FAM83D: variants seen among roughly 807,000 people sequenced by gnomAD.
FAM83D encodes protein FAM83D.
Under a neutral mutation model 25.4 loss-of-function variants are expected in FAM83D, and 26 were observed. That is an observed-to-expected ratio of 1.02 (90% CI 0.75 to 1.42). The LOEUF (loss-of-function observed/expected upper bound fraction) is 1.42, where lower values mean the gene tolerates loss of function less well. FAM83D is among the 40% of genes most tolerant of loss of function. The pLI, the probability that FAM83D is intolerant of heterozygous loss-of-function variation, is 0.00. For missense variants in FAM83D, 740 were observed against 758.1 expected, an observed-to-expected ratio of 0.98 and a Z score of 0.28; for synonymous variants, 310 against 318.5, an observed-to-expected ratio of 0.97 and a Z score of 0.28.
Position 38,951,946 on chromosome 20 carries a change from C to G in FAM83D, c.1184C>G (p.Pro395Arg), listed in dbSNP as rs1403869128. 1.2e-6 allele frequency: 2 copies of G among 1,614,166 alleles called. No homozygotes were observed. The highest frequency in any genetic ancestry group is 1.7e-5 in the Admixed American group (1 of 60,012). Residue 395 changes from proline (P) to arginine (R), a missense_variant, in exon 4 of 4, where the codon CCA becomes CGA. By Grantham distance (103) the Pro-to-Arg change is moderately radical. Around this residue, in one of 3 missense-constraint regions of FAM83D, gnomAD observed 375 missense variants for 403.2 expected, o/e 0.93. Transcript: ENST00000619850. ...KAIDAATQTE[P>R]GEEMPGLSVS... Reference sequence around the variant, plus strand: ...ATTGACGCTGCCACTCAAACAGAGCCAGGAGAGGAGATGCCAGGGCTGAGT... The same window carrying G: ...ATTGACGCTGCCACTCAAACAGAGCGAGGAGAGGAGATGCCAGGGCTGAGT...
chr20:38,934,627 T>A (rs1420729239), intron 1 of FAM83D, among the ~76,000 whole-genome samples: 2 of 152,260 alleles, frequency 1.3e-5, no homozygotes, highest in Non-Finnish European at 2.9e-5. Context: ...CTTGATATAT[T>A]GGCAAAAATA....
chr20:38,950,865 T>C (rs1454889050), intron 3 of FAM83D, among the ~76,000 whole-genome samples: 1 of 152,014 alleles, frequency 6.6e-6, no homozygotes, highest in Non-Finnish European at 1.5e-5. Context: ...CGCCCAGTCA[T>C]GGAATGTGCA....
In FAM83D at chr20:38,952,569, C is replaced by G; in HGVS notation, c.*49C>G. On this transcript the variant is annotated 3_prime_UTR_variant, in exon 4 of 4. Coordinates refer to ENST00000619850, the MANE Select transcript of FAM83D (RefSeq NM_030919.3). Reference sequence around the variant, plus strand: ...TTTCTTCCAGGCTTACAGTGGACATCATCAGCTTCCTGCTTTAAAAAATAT... The same window carrying G: ...TTTCTTCCAGGCTTACAGTGGACATGATCAGCTTCCTGCTTTAAAAAATAT... 1.3e-6 allele frequency: 2 copies of G among 1,549,622 alleles called. No individual in the cohort carries two copies. The highest frequency in any genetic ancestry group is 2.5e-5 in the South Asian group (2 of 80,730).
At chr20:38,938,636 C>T (rs932600536) in intron 1 of FAM83D, among the ~76,000 whole-genome samples, 1 of 152,088 alleles carries the variant, frequency 6.6e-6, no homozygotes, top group Non-Finnish European at 1.5e-5. Flanking sequence ...CGAAGCTCAC[C>T]CCTCACTCTT....
chr20:38,928,504 A>G (rs2085645880), intron 1 of FAM83D, among the ~76,000 whole-genome samples: 2 of 152,166 alleles, frequency 1.3e-5, no homozygotes, highest in Admixed American at 6.5e-5. Context: ...AAAGATGGAA[A>G]AGGCAGACTT....
intron 2 of FAM83D, among the ~76,000 whole-genome samples, chr20:38,944,634 G>A (rs146144906): frequency 6.6e-6 from 1 of 152,202 alleles, no homozygotes; most frequent in African/African-American, 2.4e-5. Flanking sequence ...TCCTCTGCAG[G>A]GGGGTTTAAG....
At chr20:38,933,881 A>G (rs570349909) in intron 1 of FAM83D, among the ~76,000 whole-genome samples, 2 of 145,668 alleles carry the variant, frequency 1.4e-5, no homozygotes, top group East Asian at 4.0e-4. Flanking sequence ...TTTTTTTGAG[A>G]GTCTCGCTCT....
chr20:38,934,405 A>C (rs947363351), intron 1 of FAM83D, among the ~76,000 whole-genome samples: 1 of 151,606 alleles, frequency 6.6e-6, no homozygotes, highest in Non-Finnish European at 1.5e-5. Flanking sequence ...AGGCAGGAGA[A>C]TAGCTTGAAC....
intron 3 of FAM83D, 52 bp downstream of exon 3, chr20:38,948,052 C>T (rs1383467969): frequency 6.3e-7 from 1 of 1,598,900 alleles, no homozygotes; most frequent in South Asian, 1.1e-5. Context: ...TCAGAAGAAG[C>T]ATGTCATGTA....
chr20:38,952,014 G>A lies in FAM83D; in HGVS notation c.1252G>A (p.Ala418Thr), dbSNP rs546782440. The A allele has an allele frequency of 5.6e-6, 9 of 1,614,198 alleles. 1 individual carries two copies. In the South Asian group the frequency reaches 7.7e-5, roughly 14 times the overall value. Residue 418 changes from alanine to threonine, a missense_variant, in exon 4 of 4, where the codon GCT becomes ACT. By Grantham distance (58) the Ala-to-Thr change is moderately conservative. Coordinates refer to ENST00000619850, the MANE Select transcript of FAM83D (RefSeq NM_030919.3). ...ACAAACCAGCATCACCACAGCATGT[G>A]CTGGTACCCAGACTGCAGTCATCAC... ...GTQTSITTACAGTQTAVITRI... is the reference protein window; with the variant it reads ...GTQTSITTACTGTQTAVITRI...
In FAM83D at chr20:38,951,608, C is replaced by T. The variant is rs1157914219; in HGVS notation, c.846C>T (p.His282=). ...LVILSGQVVE[H]FDLEFRILYA... is the part of the protein sequence containing the mutation. Reference sequence around the variant, plus strand: ...TTCTGTCTGGCCAAGTGGTTGAACACTTTGATCTGGAGTTCCGAATCCTGT... The same window carrying T: ...TTCTGTCTGGCCAAGTGGTTGAACATTTTGATCTGGAGTTCCGAATCCTGT... The change falls in exon 4 of 4, where the codon CAC becomes CAT. Residue 282 remains histidine, a synonymous_variant. Transcript: ENST00000619850. 4 of 1,614,098 alleles carry T rather than the reference C, an allele frequency of 2.5e-6. No homozygotes were observed. The highest frequency in any genetic ancestry group is 2.2e-5 in the East Asian group (1 of 44,896).
intron 1 of FAM83D, among the ~76,000 whole-genome samples, chr20:38,932,916 T>C (rs1360188146): frequency 6.6e-6 from 1 of 152,212 alleles, no homozygotes; most frequent in Admixed American, 6.5e-5. Flanking sequence ...GTGGGGATCA[T>C]TGCGTTCCCA....
chr20:38,934,003 C>T (rs1249677954), intron 1 of FAM83D, among the ~76,000 whole-genome samples: 3 of 152,074 alleles, frequency 2.0e-5, no homozygotes, highest in Non-Finnish European at 1.5e-5. Flanking sequence ...TACAGGTGCC[C>T]GCTACCACGC....
chr20:38,950,838 G>A (rs182090305), intron 3 of FAM83D, among the ~76,000 whole-genome samples: 81 of 148,914 alleles, frequency 5.4e-4, no homozygotes, highest in African/African-American at 1.6e-3. Context: ...ATGGAGTCTC[G>A]CCCAGTCATG....
intron 2 of FAM83D, among the ~76,000 whole-genome samples, chr20:38,942,433 A>G (rs1274275487): frequency 2.0e-5 from 3 of 152,268 alleles, no homozygotes; most frequent in Non-Finnish European, 4.4e-5. Context: ...AAGTGGATAA[A>G]TGATATGTTG....
At chr20:38,940,917 C>T (rs1200766143) in intron 1 of FAM83D, among the ~76,000 whole-genome samples, 1 of 152,160 alleles carries the variant, frequency 6.6e-6, no homozygotes, top group Non-Finnish European at 1.5e-5. Context: ...GTACCTTGCA[C>T]TTTATGTAAC....
In FAM83D at chr20:38,926,655, G is replaced by T; in HGVS notation, c.213G>T (p.Ala71=). 1 of 1,535,884 alleles carries T rather than the reference G, an allele frequency of 6.5e-7. No homozygotes were observed. Among genetic ancestry groups the T allele is most frequent in the Non-Finnish European group, 8.7e-7 (1 of 1,146,638 alleles). Reference sequence around the variant, plus strand: ...ATGAGGTGCACGCCATTCTGCGCGCGGCGGAGAGGCCGGGAGAGGAGGGCG... The same window carrying T: ...ATGAGGTGCACGCCATTCTGCGCGCTGCGGAGAGGCCGGGAGAGGAGGGCG... ...NPDEVHAILR[A]AERPGEEGAA... Residue 71 remains alanine, a synonymous_variant, in exon 1 of 4, where the codon GCG becomes GCT. Coordinates refer to ENST00000619850, the MANE Select transcript of FAM83D (RefSeq NM_030919.3).
At chr20:38,951,482 G>A (rs2085753562) in intron 3 of FAM83D, 57 bp from the exon 4 acceptor site, 1 of 1,555,530 alleles carries the variant, frequency 6.4e-7, no homozygotes, top group Non-Finnish European at 8.7e-7. Context: ...TGGACAGTGA[G>A]TAAAACAAAA....
intron 3 of FAM83D, 94 bp downstream of exon 3, chr20:38,948,094 C>G (rs1007162606): frequency 6.9e-6 from 10 of 1,443,302 alleles, no homozygotes; most frequent in Non-Finnish European, 8.4e-6. Context: ...CAATGGGAGC[C>G]TGTATGGCCA....
Sources: allele counts gnomAD v4.1 joint callset (sites outside exome capture counted in the v4.1 genomes callset), GRCh38; gene constraint gnomAD v4.1.1; regional missense constraint gnomAD v4.1.1; transcripts MANE v1.5; gene names NCBI Gene and HGNC (gene_info 2026-07-23, HGNC 2026-07-21).